KCNK2: variants seen among roughly 807,000 people sequenced by gnomAD.
The protein encoded by KCNK2 is potassium two pore domain channel subfamily K member 2, also known as potassium channel subfamily K member 2.
A neutral mutation model predicts 40.5 loss-of-function variants in KCNK2; 21 were observed. The ratio of observed to expected loss-of-function variants is 0.52; its 90% CI spans 0.37 to 0.75. The LOEUF is 0.75. Among genes scored for constraint, KCNK2 ranks in the 30% least tolerant of loss-of-function variants. The probability of loss-of-function intolerance (pLI) is 0.00; values close to 1 mark genes in which losing one functional copy is unlikely to be tolerated. For synonymous variants in KCNK2, 191 were observed against 202.2 expected (o/e 0.94, Z 0.47); for missense variants, 399 against 531.6 (o/e 0.75, Z 2.45).
At chr1:215,196,147 G>A (rs956515914) in intron 6 of KCNK2, among the ~76,000 whole-genome samples, 1 of 151,140 alleles carries the variant, frequency 6.6e-6, no homozygotes, top group Admixed American at 6.6e-5. Context: ...GCAGTGACAT[G>A]ATCTAAGCTC....
intron 5 of KCNK2, among the ~76,000 whole-genome samples, chr1:215,177,720 GTGTATATATA>G (rs1440550919): frequency 5.1e-5 from 3 of 59,286 alleles, no homozygotes; most frequent in African/African-American, 1.6e-4. Flanking sequence ...ATATATATAT[GTGTATATATA>G]TATATATATA....
intron 3 of KCNK2, among the ~76,000 whole-genome samples, chr1:215,136,098 T>A (rs1440283160): frequency 6.6e-6 from 1 of 152,052 alleles, no homozygotes; most frequent in Non-Finnish European, 1.5e-5. Context: ...TAGTGTATAA[T>A]GTTACCACCT....
intron 2 of KCNK2, among the ~76,000 whole-genome samples, chr1:215,093,832 AAAATATATTATATATT>A (rs1311762148): frequency 9.3e-5 from 2 of 21,412 alleles, no homozygotes; most frequent in African/African-American, 2.0e-4. Context: ...TATTATATAT[AAAATATATTATATATT>A]ATATATTATA....
At chr1:215,204,327 T>C (rs1665217286) in intron 6 of KCNK2, among the ~76,000 whole-genome samples, 1 of 151,950 alleles carries the variant, frequency 6.6e-6, no homozygotes, top group Admixed American at 6.6e-5. Flanking sequence ...ACTTTTTTTT[T>C]TGATTCATGT....
At chr1:215,229,143 T>C (rs766360558) in intron 6 of KCNK2, among the ~76,000 whole-genome samples, 36 of 152,130 alleles carry the variant, frequency 2.4e-4, no homozygotes, top group Non-Finnish European at 4.9e-4. Context: ...TTTTCTAATG[T>C]GGCCCAGGGA....
At position 215,083,194 on chromosome 1, in the gene KCNK2, TCCCCCCCCCGC is replaced by T; in HGVS notation, c.-187_-177del. The T allele has an allele frequency of 6.0e-6, 3 of 501,798 alleles. No individual in the cohort carries two copies. Among genetic ancestry groups the T allele is most frequent in the East Asian group, 5.3e-5 (1 of 18,948 alleles). 31.1% of individuals were successfully genotyped at this position (501,798 alleles called of 1,614,324 possible). A position where few individuals can be genotyped will look rare whatever the true frequency, so the allele number is the denominator to read the frequency against. On this transcript the variant is annotated 5_prime_UTR_variant, in exon 1 of 7. Coordinates refer to ENST00000444842, the MANE Select transcript of KCNK2 (RefSeq NM_001017425.3). The stretch of plus-strand genomic sequence containing the variant: ...CCCGCGATTTCGTTTCTTCTCACGC[TCCCCCCCCCGC>T]CCCCTCCCGCGTCCAGCCCCGCTCT...
intron 6 of KCNK2, among the ~76,000 whole-genome samples, chr1:215,228,978 G>A (rs981056730): frequency 1.2e-4 from 18 of 151,974 alleles, no homozygotes; most frequent in Middle Eastern, 6.3e-3. Context: ...CCCATGGGCC[G>A]TGGGCTGCAT....
At chr1:215,074,708 C>T (rs1271992291) in intron 1 of KCNK2, among the ~76,000 whole-genome samples, 1 of 152,118 alleles carries the variant, frequency 6.6e-6, no homozygotes, top group African/African-American at 2.4e-5. Flanking sequence ...CTAGTATTGG[C>T]ACACTTAAAA....
At chr1:215,032,521 T>C in intron 1 of KCNK2, among the ~76,000 whole-genome samples, 1 of 152,158 alleles carries the variant, frequency 6.6e-6, no homozygotes, top group Admixed American at 6.6e-5. Context: ...CTGATCCATA[T>C]CATTTCTCTT....
intron 3 of KCNK2, among the ~76,000 whole-genome samples, chr1:215,162,979 C>A (rs1162421731): frequency 6.6e-6 from 1 of 151,758 alleles, no homozygotes; most frequent in African/African-American, 2.4e-5. Flanking sequence ...TCAATGGTAG[C>A]TTGATGGGGA....
At chr1:215,210,154 GTATA>G (rs1180004888) in intron 6 of KCNK2, among the ~76,000 whole-genome samples, 1 of 143,708 alleles carries the variant, frequency 7.0e-6, no homozygotes, top group Non-Finnish European at 1.5e-5. Context: ...AGTACATATA[GTATA>G]TAGTGTGTGT....
rs548239937 is a variant in KCNK2, at chr1:215,180,393, G to A, written c.823+8210G>A. On this transcript the variant is annotated intron_variant, in intron 5 of 6. Coordinates refer to ENST00000444842, the MANE Select transcript of KCNK2 (RefSeq NM_001017425.3). ...ATATTGATATGTTAGGTTTTGATCC[G>A]ATTATGTAGTTGTCAGTTGGTTGCT... Among the ~76,000 whole-genome samples the A allele has an allele frequency of 4.6e-5, 7 of 152,132 alleles. 1 individual carries two copies. The highest frequency in any genetic ancestry group is 1.4e-4 in the African/African-American group (6 of 41,544).
chr1:215,039,309 C>A (rs1243211651), intron 1 of KCNK2, among the ~76,000 whole-genome samples: 1 of 152,028 alleles, frequency 6.6e-6, no homozygotes, highest in Non-Finnish European at 1.5e-5. Context: ...TCTTGAAAAA[C>A]AAAATTAATC....
intron 1 of KCNK2, among the ~76,000 whole-genome samples, chr1:215,014,807 T>C (rs1333722070): frequency 6.6e-6 from 1 of 152,156 alleles, no homozygotes; most frequent in Non-Finnish European, 1.5e-5. Context: ...CTGAGCAGCA[T>C]AATAGGTAAG....
In KCNK2 at chr1:215,198,390, G is replaced by C. The variant is rs541574419; in HGVS notation, c.963+3298G>C. Among the ~76,000 whole-genome samples, 44 of 152,282 alleles carry C rather than the reference G, an allele frequency of 2.9e-4. No homozygotes were observed. In the South Asian group the frequency reaches 9.1e-3, roughly 32 times the overall value. ...GTAATTTAGGGAACTGCAAAATGGG[G>C]TCATGAATTCAACAGAGAATGTGAA... On this transcript the variant is annotated intron_variant, in intron 6 of 6. Coordinates refer to ENST00000444842, the MANE Select transcript of KCNK2 (RefSeq NM_001017425.3).
At chr1:215,156,199 G>T (rs1247849336) in intron 3 of KCNK2, among the ~76,000 whole-genome samples, 1 of 152,018 alleles carries the variant, frequency 6.6e-6, no homozygotes, top group East Asian at 1.9e-4. Flanking sequence ...AAAGTACACA[G>T]TATTGATGGG....
chr1:215,053,980 A>C (rs1658075289), intron 1 of KCNK2, among the ~76,000 whole-genome samples: 1 of 152,212 alleles, frequency 6.6e-6, no homozygotes, highest in South Asian at 2.1e-4. Context: ...AAAACAAAGT[A>C]CAACCCCTGA....
chr1:215,103,043 G>A (rs1660290687), intron 2 of KCNK2, among the ~76,000 whole-genome samples: 1 of 151,912 alleles, frequency 6.6e-6, no homozygotes, highest in Non-Finnish European at 1.5e-5. Context: ...AAGTTGGTTT[G>A]GTGAAGAATT....
intron 5 of KCNK2, among the ~76,000 whole-genome samples, chr1:215,177,644 G>T (rs1235131687): frequency 6.7e-6 from 1 of 149,354 alleles, no homozygotes; most frequent in African/African-American, 2.5e-5. Flanking sequence ...TATTGACTTT[G>T]TCAAACATCA....
Sources: allele counts gnomAD v4.1 joint callset (sites outside exome capture counted in the v4.1 genomes callset), GRCh38; gene constraint gnomAD v4.1.1; transcripts MANE v1.5; gene names NCBI Gene and HGNC (gene_info 2026-07-23, HGNC 2026-07-21).